SPATA31C2: variants seen among roughly 807,000 people sequenced by gnomAD.
The protein encoded by SPATA31C2 is SPATA31 subfamily C member 2.
SPATA31C2 carries 5 observed loss-of-function variants against 11.4 expected under a neutral mutation model. The observed-to-expected ratio is 0.44, with a 90% confidence interval of 0.23 to 0.92. The LOEUF (loss-of-function observed/expected upper bound fraction) is 0.92. SPATA31C2 is among the 40% of genes least tolerant of loss of function. The probability of loss-of-function intolerance (pLI) is 0.24; values close to 1 mark genes in which losing one functional copy is unlikely to be tolerated. For missense variants in SPATA31C2, 1,353 were observed against 1,368.6 expected (o/e 0.99, Z 0.18); for synonymous variants, 515 against 538.7 (o/e 0.96, Z 0.61).
At position 88,133,592 on chromosome 9, in the gene SPATA31C2, A is replaced by G; in HGVS notation, c.265+2T>C. 6.3e-7 allele frequency: 1 copy of G among 1,580,052 alleles called. No individual in the cohort carries two copies. The highest frequency in any genetic ancestry group is 1.1e-5 in the South Asian group (1 of 90,336). On this transcript the variant is annotated splice_donor_variant, in intron 2 of 3. Transcript: ENST00000324915. LOFTEE classifies it high-confidence loss of function. ...CTCTAGTGTGCCCTGGCAGAGCCTT[A>G]CCTCTCAGACTGTGGTTTTTCATCC... is the stretch of plus-strand genomic sequence containing the variant.
At chr9:88,137,531 G>T (rs1391030844) in intron 1 of SPATA31C2, among the ~76,000 whole-genome samples, 2 of 140,682 alleles carry the variant, frequency 1.4e-5, no homozygotes, top group African/African-American at 2.6e-5. Context: ...GCTAAGACAG[G>T]AGAATAGCTT....
chr9:88,131,838 G>A lies in SPATA31C2; in HGVS notation c.1199C>T (p.Pro400Leu). Residue 400 changes from proline (P) to leucine (L), a missense_variant, in exon 4 of 4, where the codon CCT (proline) becomes CTT (leucine). Pro to Leu is a moderately conservative substitution (Grantham distance 98). Transcript: ENST00000324915. ...SLPETQHPER[P>L]LLKKQLEGGL... ...ACCTTCTAGTTGTTTCTTCAACAAA[G>A]GCCTTTCAGGGTGCTGAGTTTCAGG... is the stretch of plus-strand genomic sequence containing the variant. The A allele has an allele frequency of 6.2e-7, 1 of 1,611,374 alleles. No individual in the cohort carries two copies. Among genetic ancestry groups the A allele is most frequent in the Non-Finnish European group, 8.5e-7 (1 of 1,179,414 alleles).
At position 88,129,914 on chromosome 9, in the gene SPATA31C2, G is replaced by T; in HGVS notation, c.3123C>A (p.Asn1041Lys). Residue 1041 changes from asparagine to lysine, a missense_variant, in exon 4 of 4, where the codon AAC becomes AAA. Physicochemically the swap from Asn to Lys is moderately conservative, Grantham distance 94 (BLOSUM62 0). This residue lies in a region of SPATA31C2 where 187 missense variants were observed against 205.8 expected (regional missense o/e 0.91). Transcript: ENST00000324915. ...CACTGCTGCCGTACACGCATGATCT[G>T]TTTTTTACTGTTTTTTGGCTCTCAG... ...VTAESQKTVK[N>K]RSCVYGSSAE... 6.2e-7 allele frequency: 1 copy of T among 1,606,866 alleles called. No individual in the cohort carries two copies. Among genetic ancestry groups the T allele is most frequent in the Non-Finnish European group, 8.5e-7 (1 of 1,175,348 alleles).
At position 88,131,053 on chromosome 9, in the gene SPATA31C2, G is replaced by A. The variant is rs967972616; in HGVS notation, c.1984C>T (p.Pro662Ser). The stretch of plus-strand genomic sequence containing the variant: ...TGAATGGGCTTGAGGACCCTGAGGG[G>A]TAGACCCCACCTGTGTTTGGCCCAA... ...RFWAKHRWGL[P>S]LRVLKPIQCF... The change falls in exon 4 of 4, where the codon CCC (proline) becomes TCC (serine). Residue 662 changes from proline (P) to serine (S), a missense_variant. Physicochemically the swap from Pro to Ser is moderately conservative, Grantham distance 74. Transcript: ENST00000324915. The A allele has an allele frequency of 6.2e-7, 1 of 1,612,036 alleles. No individual in the cohort carries two copies. Among genetic ancestry groups the A allele is most frequent in the South Asian group, 1.1e-5 (1 of 90,996 alleles).
At chr9:88,135,777 A>G (rs1446892314) in intron 1 of SPATA31C2, among the ~76,000 whole-genome samples, 4 of 138,648 alleles carry the variant, frequency 2.9e-5, no homozygotes, top group Non-Finnish European at 6.1e-5. Flanking sequence ...TCTGCCTCCC[A>G]AAGTGCTGGG....
chr9:88,131,816 T>G lies in SPATA31C2; in HGVS notation c.1221A>C (p.Glu407Asp). The G allele has an allele frequency of 2.5e-6, 4 of 1,611,576 alleles. No individual in the cohort carries two copies. In the South Asian group the frequency reaches 4.4e-5, roughly 18 times the overall value. The change falls in exon 4 of 4, where the codon GAA becomes GAC. Residue 407 changes from glutamate to aspartate, a missense_variant. This residue lies in a region of SPATA31C2 where 1,075 missense variants were observed against 992.8 expected (regional missense o/e 1.08). Transcript: ENST00000324915. ...CCCTAGAGGGTAAAGCCAACCCACCTTCTAGTTGTTTCTTCAACAAAGGCC... is the reference window on the plus strand; with the variant it reads ...CCCTAGAGGGTAAAGCCAACCCACCGTCTAGTTGTTTCTTCAACAAAGGCC... ...PERPLLKKQL[E>D]GGLALPSRVQ...
chr9:88,130,451 T>C lies in SPATA31C2; in HGVS notation c.2586A>G (p.Gly862=). The C allele has an allele frequency of 6.2e-7, 1 of 1,613,342 alleles. No individual in the cohort carries two copies. Among genetic ancestry groups the C allele is most frequent in the Non-Finnish European group, 8.5e-7 (1 of 1,179,520 alleles). ...GCTGGGTCTCTGACTTCGTGGCCTT[T>C]CCAGGCTCAAATTCACTAACAGCCT... ...MEEAVSEFEP[G]KATKSETQPQ... Residue 862 remains glycine (G), a synonymous_variant, in exon 4 of 4, where the codon GGA becomes GGG. Transcript: ENST00000324915.
At chr9:88,135,212 TA>T (rs1327662074) in intron 1 of SPATA31C2, among the ~76,000 whole-genome samples, 1 of 124,546 alleles carries the variant, frequency 8.0e-6, no homozygotes, top group Middle Eastern at 3.5e-3. Context: ...GCCAGTTTTC[TA>T]TTCTTTCTCC....
At position 88,129,990 on chromosome 9, in the gene SPATA31C2, A is replaced by G. The variant is rs1310158436; in HGVS notation, c.3047T>C (p.Phe1016Ser). 6.2e-7 allele frequency: 1 copy of G among 1,608,608 alleles called. No homozygotes were observed. The highest frequency in any genetic ancestry group is 8.5e-7 in the Non-Finnish European group (1 of 1,176,486). The part of the protein sequence containing the change: ...ISHFGENIKQ[F>S]FQTIFSKKER... ...TTTCTTTGAAAAAATCGTCTGAAAA[A>G]ATTGCTTGATGTTTTCTCCAAAGTG... The change falls in exon 4 of 4, where the codon TTT (phenylalanine) becomes TCT (serine). Residue 1016 changes from phenylalanine to serine, a missense_variant. By Grantham distance (155) the Phe-to-Ser change is radical (BLOSUM62 -2). This residue lies in a region of SPATA31C2 where 187 missense variants were observed against 205.8 expected (regional missense o/e 0.91). Transcript: ENST00000324915.
In SPATA31C2 at chr9:88,131,320, C is replaced by G; in HGVS notation, c.1717G>C (p.Glu573Gln). 1 of 1,611,910 alleles carries G rather than the reference C, an allele frequency of 6.2e-7. No individual in the cohort carries two copies. Among genetic ancestry groups the G allele is most frequent in the Non-Finnish European group, 8.5e-7 (1 of 1,179,864 alleles). The change falls in exon 4 of 4, where the codon GAA (glutamate) becomes CAA (glutamine). Residue 573 changes from glutamate to glutamine, a missense_variant. By Grantham distance (29) the Glu-to-Gln change is conservative. This residue lies in a region of SPATA31C2 where 1,075 missense variants were observed against 992.8 expected (regional missense o/e 1.08). Transcript: ENST00000324915. ...CTCATGTGGGCTTTCAGGATGTTTT[C>G]TATATGATTCCTCTCTGTGCGTCTT... ...LLRRTERNHIENILKAHMSRK... is the reference protein window; with the variant it reads ...LLRRTERNHIQNILKAHMSRK...
chr9:88,136,577 T>A (rs1825685338), intron 1 of SPATA31C2, among the ~76,000 whole-genome samples: 1 of 146,692 alleles, frequency 6.8e-6, no homozygotes, highest in South Asian at 2.2e-4. Context: ...TTCTTAGAAT[T>A]GATTGTGCTT....
At chr9:88,133,376 C>G (rs1376201595) in intron 2 of SPATA31C2, among the ~76,000 whole-genome samples, 1 of 80,422 alleles carries the variant, frequency 1.2e-5, no homozygotes, top group Non-Finnish European at 2.4e-5. Context: ...AGGCATTGGT[C>G]TCCCCAGGAC....
Position 88,132,092 on chromosome 9 carries a change from T to G in SPATA31C2, c.945A>C (p.Thr315=). Residue 315 remains threonine (T), a synonymous_variant, in exon 4 of 4, where the codon ACA becomes ACC. Transcript: ENST00000324915. ...QDHLSRQRDT[T]MSPLLFQAQP... ...GGGCCTGGAAAAGCAGTGGGGACAT[T>G]GTAGTGTCCCTTTGGCGGGAAAGAT... 1 of 1,610,572 alleles carries G rather than the reference T, an allele frequency of 6.2e-7. No homozygotes were observed. The highest frequency in any genetic ancestry group is 8.5e-7 in the Non-Finnish European group (1 of 1,177,594).
At chr9:88,136,553 A>T (rs193070470) in intron 1 of SPATA31C2, among the ~76,000 whole-genome samples, 6,952 of 136,770 alleles carry the variant, frequency 0.051, 227 homozygotes, top group Non-Finnish European at 0.074. Context: ...TTTTGATAAC[A>T]TCCAATTAAT....
rs576485490 is a variant in SPATA31C2 at position 88,133,688 on chromosome 9, C to G, written c.190-19G>C. 2 of 1,603,162 alleles carry G rather than the reference C, an allele frequency of 1.2e-6. No individual in the cohort carries two copies. The highest frequency in any genetic ancestry group is 1.7e-6 in the Non-Finnish European group (2 of 1,173,156). On this transcript the variant is annotated intron_variant, in intron 1 of 3. Coordinates refer to ENST00000324915, the MANE Select transcript of SPATA31C2 (RefSeq NM_001350978.3). ...GATGACGCTGGGAGACAAGAAATGG[C>G]GAGGAGCTAGGACCGGCTCTCCCTC...
chr9:88,136,673 G>T (rs1342557809), intron 1 of SPATA31C2, among the ~76,000 whole-genome samples: 1 of 145,022 alleles, frequency 6.9e-6, no homozygotes, highest in Non-Finnish European at 1.5e-5. Context: ...ATTGAGATGT[G>T]ATCTTTTTTT....
chr9:88,131,084 C>T lies in SPATA31C2; in HGVS notation c.1953G>A (p.Val651=), dbSNP rs754202098. 6.2e-7 allele frequency: 1 copy of T among 1,612,028 alleles called. No homozygotes were observed. Among genetic ancestry groups the T allele is most frequent in the Non-Finnish European group, 8.5e-7 (1 of 1,179,862 alleles). Residue 651 remains valine (V), a synonymous_variant, in exon 4 of 4, where the codon GTG becomes GTA. Transcript: ENST00000324915. ...CTQQVLGAHI[V]RFWAKHRWGL... ...CCCACCTGTGTTTGGCCCAAAACCT[C>T]ACAATATGGGCTCCCAGCACCTGCT...
chr9:88,133,747 C>G lies in SPATA31C2; in HGVS notation c.190-78G>C, dbSNP rs991446340. 5.7e-6 allele frequency: 9 copies of G among 1,580,362 alleles called. No homozygotes were observed. In the African/African-American group the frequency reaches 1.1e-4, roughly 19 times the overall value. On this transcript the variant is annotated intron_variant, in intron 1 of 3. Transcript: ENST00000324915. ...CAGCCCAGCCGCAGCACGCTGCACT[C>G]ATGAACCGCATGGCTCTGTCTGTCT... is the stretch of plus-strand genomic sequence containing the variant.
intron 1 of SPATA31C2, among the ~76,000 whole-genome samples, chr9:88,134,164 AAC>A (rs770069922): frequency 3.1e-4 from 46 of 146,274 alleles, no homozygotes; most frequent in South Asian, 1.2e-3. Flanking sequence ...ATAACACACA[AAC>A]ACACACGCAC....
Sources: gnomAD v4.1 joint callset for allele counts (sites outside exome capture counted in the v4.1 genomes callset) on GRCh38, gnomAD v4.1.1 for gene constraint, gnomAD v4.1.1 regional missense constraint, MANE v1.5 for transcripts, NCBI Gene and HGNC (gene_info 2026-07-23, HGNC 2026-07-21) for gene names.